TRAK2: variants seen among roughly 807,000 people sequenced by gnomAD.
TRAK2 encodes trafficking kinesin protein 2.
A neutral mutation model predicts 104.6 loss-of-function variants in TRAK2; 81 were observed. The ratio of observed to expected loss-of-function variants is 0.77; its 90% confidence interval spans 0.65 to 0.93. The LOEUF (loss-of-function observed/expected upper bound fraction) is 0.93. Ranked by LOEUF, TRAK2 falls within the 40% of genes least tolerant of loss-of-function variation. TRAK2 has a pLI of 0.00. For synonymous variants in TRAK2, 406 were observed against 394.4 expected, an observed-to-expected ratio of 1.03 and a Z score of -0.35; for missense variants, 1,002 against 1,089.0, an observed-to-expected ratio of 0.92 and a Z score of 1.12.
intron 2 of TRAK2, chr2:201,412,729 A>C: frequency 1.4e-6 from 2 of 1,394,032 alleles, no homozygotes; most frequent in South Asian, 2.3e-5. Flanking sequence ...ATCAAAACCC[A>C]TTATTTTCCA....
Position 201,380,920 on chromosome 2 carries a change from AAGG to A in TRAK2, c.2365_2367del (p.Pro789del). The A allele has an allele frequency of 1.2e-6, 2 of 1,614,132 alleles. No individual in the cohort carries two copies. Among genetic ancestry groups the A allele is most frequent in the Non-Finnish European group, 1.7e-6 (2 of 1,179,996 alleles). On this transcript the variant is annotated inframe_deletion, in exon 16 of 16. Coordinates refer to ENST00000332624, the MANE Select transcript of TRAK2 (RefSeq NM_015049.3). ...AGATGCACTCGAGGCTCAAAGGGTA[AAGG>A]AGAAGGGCAAGGTGAGTGAGATGGT...
At chr2:201,436,809 T>C (rs1365045656) in intron 1 of TRAK2, among the ~76,000 whole-genome samples, 5 of 152,090 alleles carry the variant, frequency 3.3e-5, no homozygotes, top group African/African-American at 4.8e-5. Context: ...GCTCTTCAAG[T>C]CAACGAAGTA....
At chr2:201,442,437 C>G (rs183473316) in intron 1 of TRAK2, among the ~76,000 whole-genome samples, 47 of 151,912 alleles carry the variant, frequency 3.1e-4, no homozygotes, top group African/African-American at 1.1e-3. Flanking sequence ...CGCTTGGACC[C>G]CAAACATGAT....
Position 201,396,366 on chromosome 2 carries a change from C to T in TRAK2, c.770-922G>A, listed in dbSNP as rs1383889974. Among the ~76,000 whole-genome samples, 3 of 152,090 alleles carry T rather than the reference C, an allele frequency of 2.0e-5. No individual in the cohort carries two copies. The East Asian group carries it at 5.8e-4, about 29-fold the overall frequency. On this transcript the variant is annotated intron_variant, in intron 7 of 15. Coordinates refer to ENST00000332624, the MANE Select transcript of TRAK2 (RefSeq NM_015049.3). ...TATTCTAAGATATCACATTTTGAAG[C>T]CCATAGCCCAAATGAATTGATGTGA...
chr2:201,420,431 G>A lies in TRAK2; in HGVS notation c.77C>T (p.Ser26Leu), dbSNP rs146913241. ...ENLMNSNHRD[S>L]ESITDVCSNE... is the part of the protein sequence containing the mutation. ...ACTGGACTTACCAGTGATGCTCTCC[G>A]AGTCTCTGTGATTGCTATTCATGAG... The change falls in exon 2 of 16, where the codon TCG becomes TTG. Residue 26 changes from serine (S) to leucine (L), a missense_variant. Transcript: ENST00000332624. The A allele has an allele frequency of 2.5e-5, 41 of 1,613,670 alleles. No homozygotes were observed. In the East Asian group the frequency reaches 2.9e-4, roughly 11 times the overall value.
chr2:201,400,416 T>C (rs1366013631), intron 4 of TRAK2, among the ~76,000 whole-genome samples: 1 of 152,042 alleles, frequency 6.6e-6, no homozygotes, highest in African/African-American at 2.4e-5. Context: ...TTTTTAAGGC[T>C]CATTTTAAAT....
intron 1 of TRAK2, among the ~76,000 whole-genome samples, chr2:201,442,071 T>C (rs1951929244): frequency 6.6e-6 from 1 of 150,706 alleles, no homozygotes; most frequent in Non-Finnish European, 1.5e-5. Context: ...CAAAGAGAGG[T>C]AGGTGCCTAT....
At chr2:201,399,299 G>T in intron 5 of TRAK2, 78 bp downstream of exon 5, 1 of 935,330 alleles carries the variant, frequency 1.1e-6, no homozygotes, top group South Asian at 1.5e-5. Context: ...CATCATTTCA[G>T]GGACACCTAG....
chr2:201,445,512 A>G (rs547023619), intron 1 of TRAK2, among the ~76,000 whole-genome samples: 3 of 152,380 alleles, frequency 2.0e-5, no homozygotes, highest in South Asian at 2.1e-4. Context: ...AGATAGTACC[A>G]GATAATAAAT....
At chr2:201,381,355 G>A (rs1951343751) in intron 15 of TRAK2, 137 bp from the exon 16 acceptor site, 4 of 757,802 alleles carry the variant, frequency 5.3e-6, no homozygotes, top group Non-Finnish European at 8.3e-6. Flanking sequence ...GTAACTGTAT[G>A]CTGTGGAACA....
At chr2:201,431,265 C>T (rs901647212) in intron 1 of TRAK2, among the ~76,000 whole-genome samples, 16 of 152,226 alleles carry the variant, frequency 1.1e-4, no homozygotes, top group African/African-American at 3.6e-4. Flanking sequence ...TATACATTTC[C>T]TATTGCTACT....
Position 201,380,597 on chromosome 2 carries a change from A to G in TRAK2, c.2691T>C (p.Phe897=). The change falls in exon 16 of 16, where the codon TTT becomes TTC. Residue 897 remains phenylalanine (F), a synonymous_variant. Coordinates refer to ENST00000332624, the MANE Select transcript of TRAK2 (RefSeq NM_015049.3). Reference sequence around the variant, plus strand: ...GTGAGGATGTGCAAACTGGGGCAGCAAAGCTACCCATTATGACTGGAAGAC... The same window carrying G: ...GTGAGGATGTGCAAACTGGGGCAGCGAAGCTACCCATTATGACTGGAAGAC... ...NQSLPVIMGS[F]AAPVCTSSPK... The G allele has an allele frequency of 6.2e-7, 1 of 1,613,976 alleles. No individual in the cohort carries two copies. The highest frequency in any genetic ancestry group is 1.1e-5 in the South Asian group (1 of 91,056).
At chr2:201,450,688 CT>C (rs369626279) in intron 1 of TRAK2, among the ~76,000 whole-genome samples, 1,671 of 137,334 alleles carry the variant, frequency 0.012, 16 homozygotes, top group African/African-American at 0.028. Flanking sequence ...GTGAAGTTAC[CT>C]TTTTTTTTTT....
intron 9 of TRAK2, among the ~76,000 whole-genome samples, chr2:201,393,961 G>C (rs1951473266): frequency 6.6e-6 from 1 of 152,136 alleles, no homozygotes. Context: ...TGTTGTACAG[G>C]CTGGTCTCAA....
chr2:201,429,511 G>C (rs1356974801), intron 1 of TRAK2, among the ~76,000 whole-genome samples: 3 of 152,224 alleles, frequency 2.0e-5, no homozygotes, highest in Admixed American at 1.3e-4. Context: ...ATCACACGTA[G>C]ATTTGGTCTT....
rs922242325 is a variant in TRAK2 at position 201,433,714 on chromosome 2, T to A, written c.-199-13008A>T. ...TCCCTATTAGAGCTTCACCTGCAGATAAGAAAAGGCCTTGAACCCATGGTG... is the reference window on the plus strand; with the variant it reads ...TCCCTATTAGAGCTTCACCTGCAGAAAAGAAAAGGCCTTGAACCCATGGTG... On this transcript the variant is annotated intron_variant, in intron 1 of 15. Coordinates refer to ENST00000332624, the MANE Select transcript of TRAK2 (RefSeq NM_015049.3). Among the ~76,000 whole-genome samples the A allele has an allele frequency of 9.9e-5, 15 of 152,204 alleles. 1 individual carries two copies. Among genetic ancestry groups the A allele is most frequent in the African/African-American group, 2.9e-4 (12 of 41,446 alleles).
In TRAK2 at chr2:201,378,956, T is replaced by A. The variant is rs74593332; in HGVS notation, c.*1587A>T. 1 of 152,042 alleles carries A rather than the reference T, an allele frequency of 6.6e-6. No individual in the cohort carries two copies. The highest frequency in any genetic ancestry group is 1.5e-5 in the Non-Finnish European group (1 of 68,008). 9.4% of individuals were successfully genotyped at this position (152,042 alleles called of 1,614,324 possible). ...GGAATAGGTGTGCCTATGGGAACCATAGGAGCAAGAGTCAAGAGTTCTTCA... is the reference window on the plus strand; with the variant it reads ...GGAATAGGTGTGCCTATGGGAACCAAAGGAGCAAGAGTCAAGAGTTCTTCA... On this transcript the variant is annotated 3_prime_UTR_variant, in exon 16 of 16. Coordinates refer to ENST00000332624, the MANE Select transcript of TRAK2 (RefSeq NM_015049.3).
At position 201,433,015 on chromosome 2, in the gene TRAK2, T is replaced by C. The variant is rs572921340; in HGVS notation, c.-199-12309A>G. On this transcript the variant is annotated intron_variant, in intron 1 of 15. Coordinates refer to ENST00000332624, the MANE Select transcript of TRAK2 (RefSeq NM_015049.3). ...GATAAGCTAATTTAAAAAATGATAA[T>C]TTACCTTGTCCTCATAAAATAATAT... Among the ~76,000 whole-genome samples, 193 of 152,266 alleles carry C rather than the reference T, an allele frequency of 1.3e-3. 1 individual carries two copies. Among genetic ancestry groups the C allele is most frequent in the African/African-American group, 4.5e-3 (187 of 41,526 alleles).
chr2:201,442,026 T>C (rs1326817281), intron 1 of TRAK2, among the ~76,000 whole-genome samples: 1 of 151,496 alleles, frequency 6.6e-6, no homozygotes, highest in Admixed American at 6.6e-5. Context: ...CAAACTTCCT[T>C]TTGTTTCAAC....
Sources: allele counts gnomAD v4.1 joint callset (sites outside exome capture counted in the v4.1 genomes callset), GRCh38; gene constraint gnomAD v4.1.1; transcripts MANE v1.5; gene names NCBI Gene and HGNC (gene_info 2026-07-23, HGNC 2026-07-21).